TPD52L1: variants seen among roughly 807,000 people sequenced by gnomAD.
TPD52L1 encodes TPD52 like 1, also known as tumor protein D53.
TPD52L1 carries 18 observed loss-of-function variants against 28.7 expected under a neutral mutation model. The ratio of observed to expected loss-of-function variants is 0.63; its 90% CI spans 0.43 to 0.93. TPD52L1 has a LOEUF of 0.93. Ranked by LOEUF, TPD52L1 falls within the 40% of genes least tolerant of loss-of-function variation. The pLI is 0.00. For synonymous variants in TPD52L1, 75 were observed against 88.8 expected, an observed-to-expected ratio of 0.84 and a Z score of 0.88; for missense variants, 203 against 254.8, an observed-to-expected ratio of 0.80 and a Z score of 1.39.
At chr6:125,245,337 C>T (rs9482616) in intron 3 of TPD52L1, among the ~76,000 whole-genome samples, 2,210 of 152,258 alleles carry the variant, frequency 0.015, 47 homozygotes, top group African/African-American at 0.05. Flanking sequence ...CTGAGTTGGT[C>T]TGCCTCCAGC....
At chr6:125,232,924 T>G (rs1193711451) in intron 3 of TPD52L1, among the ~76,000 whole-genome samples, 1 of 152,150 alleles carries the variant, frequency 6.6e-6, no homozygotes, top group Admixed American at 6.5e-5. Flanking sequence ...TTCTGCTGCC[T>G]TTTTATGTTG....
intron 1 of TPD52L1, chr6:125,203,809 T>C (rs533172581): frequency 1.0e-6 from 1 of 985,382 alleles, no homozygotes; most frequent in African/African-American, 1.7e-5. Context: ...ATTTCTGGCT[T>C]TCATTGTAGA....
At chr6:125,168,662 C>T (rs574814859) in intron 1 of TPD52L1, among the ~76,000 whole-genome samples, 2 of 152,050 alleles carry the variant, frequency 1.3e-5, no homozygotes, top group South Asian at 2.1e-4. Context: ...GGACTACAGG[C>T]GCCCGCCACC....
intron 1 of TPD52L1, among the ~76,000 whole-genome samples, chr6:125,192,626 G>C (rs980637136): frequency 2.6e-5 from 4 of 152,080 alleles, no homozygotes; most frequent in African/African-American, 4.8e-5. Flanking sequence ...TCCCTTTGTT[G>C]ACTTTCCAAC....
intron 1 of TPD52L1, among the ~76,000 whole-genome samples, chr6:125,203,314 A>G (rs1026540257): frequency 6.6e-6 from 1 of 151,848 alleles, no homozygotes; most frequent in Non-Finnish European, 1.5e-5. Context: ...TTTTTGCATA[A>G]CTATTTGTTT....
At chr6:125,230,799 G>T (rs1306567859) in intron 3 of TPD52L1, among the ~76,000 whole-genome samples, 1 of 152,184 alleles carries the variant, frequency 6.6e-6, no homozygotes, top group Non-Finnish European at 1.5e-5. Flanking sequence ...CAATCAGATA[G>T]GTTCAGGGCA....
At chr6:125,201,138 C>G (rs892959809) in intron 1 of TPD52L1, among the ~76,000 whole-genome samples, 3 of 152,122 alleles carry the variant, frequency 2.0e-5, no homozygotes, top group African/African-American at 7.2e-5. Context: ...AAGAGGAAGT[C>G]AATCTATAGC....
In TPD52L1 at chr6:125,215,969, G is replaced by C. The variant is rs533554598; in HGVS notation, c.20-4109G>C. 7.9e-5 allele frequency among the ~76,000 whole-genome samples: 12 copies of C among 152,250 alleles called. 1 individual carries two copies. The East Asian group carries it at 2.3e-3, about 29-fold the overall frequency. ...CAGTATCTGTAAGTCCTTGGGCCAG[G>C]CTGAGTGGGGAGAAGTCCACAGTGT... On this transcript the variant is annotated intron_variant, in intron 1 of 6. Coordinates refer to ENST00000534000, the MANE Select transcript of TPD52L1 (RefSeq NM_003287.4).
chr6:125,170,548 A>T (rs774819667), intron 1 of TPD52L1, among the ~76,000 whole-genome samples: 3 of 151,994 alleles, frequency 2.0e-5, no homozygotes, highest in Non-Finnish European at 4.4e-5. Flanking sequence ...AGCCTGCATT[A>T]ACAAGTAATA....
chr6:125,252,028 C>T lies in TPD52L1; in HGVS notation c.387-1689C>T, dbSNP rs1371812088. 3.3e-6 allele frequency: 5 copies of T among 1,536,012 alleles called. No homozygotes were observed. The Admixed American group carries it at 9.8e-5, about 30-fold the overall frequency. On this transcript the variant is annotated intron_variant, in intron 4 of 6. Transcript: ENST00000534000. ...CTGTGCTTCCGGGCTGCAGGTCTCACTCCATCGGGTAAGCGCCACAGGGCT... is the reference window on the plus strand; with the variant it reads ...CTGTGCTTCCGGGCTGCAGGTCTCATTCCATCGGGTAAGCGCCACAGGGCT...
At chr6:125,191,883 A>G (rs1793068346) in intron 1 of TPD52L1, among the ~76,000 whole-genome samples, 1 of 152,234 alleles carries the variant, frequency 6.6e-6, no homozygotes, top group African/African-American at 2.4e-5. Flanking sequence ...GAAATGAAAA[A>G]GAGCCAGTAT....
chr6:125,246,829 AC>A (rs1796950538), intron 3 of TPD52L1, among the ~76,000 whole-genome samples: 1 of 150,896 alleles, frequency 6.6e-6, no homozygotes, highest in Non-Finnish European at 1.5e-5. Flanking sequence ...TTCTTCCTTG[AC>A]CCTTATTCTG....
chr6:125,218,510 G>A lies in TPD52L1; in HGVS notation c.20-1568G>A, dbSNP rs112540716. On this transcript the variant is annotated intron_variant, in intron 1 of 6. Transcript: ENST00000534000. ...TATATATCGGGAACAAATCTTTTTA[G>A]TTATATATGTGAGAGATATCTTCTT... Among the ~76,000 whole-genome samples the A allele has an allele frequency of 1.7e-3, 260 of 152,228 alleles. 1 individual carries two copies. The highest frequency in any genetic ancestry group is 6.1e-3 in the African/African-American group (255 of 41,548).
At chr6:125,248,221 A>C (rs1179874559) in intron 3 of TPD52L1, 61 bp from the exon 4 acceptor site, 1 of 1,323,230 alleles carries the variant, frequency 7.6e-7, no homozygotes. Flanking sequence ...AGTGAGAAGG[A>C]AGATGAATTG....
At chr6:125,172,947 G>A (rs890825661) in intron 1 of TPD52L1, among the ~76,000 whole-genome samples, 11 of 151,966 alleles carry the variant, frequency 7.2e-5, no homozygotes, top group Non-Finnish European at 7.4e-5. Context: ...TAAATGAGAA[G>A]GAAATAATTT....
chr6:125,259,206 C>A (rs946726643), intron 6 of TPD52L1, among the ~76,000 whole-genome samples: 1 of 152,148 alleles, frequency 6.6e-6, no homozygotes, highest in African/African-American at 2.4e-5. Context: ...TGCTGCATTT[C>A]CATTCACATG....
chr6:125,251,846 TA>T (rs1797284861), intron 4 of TPD52L1, among the ~76,000 whole-genome samples: 1 of 152,240 alleles, frequency 6.6e-6, no homozygotes, highest in South Asian at 2.1e-4. Context: ...CTTGAGTTGG[TA>T]AAATGATTTG....
chr6:125,209,652 C>T (rs868027643), intron 1 of TPD52L1, among the ~76,000 whole-genome samples: 3 of 152,168 alleles, frequency 2.0e-5, no homozygotes, highest in Non-Finnish European at 4.4e-5. Flanking sequence ...TTAACAATGC[C>T]GCTGTGTTGA....
At chr6:125,219,681 G>A (rs1391314473) in intron 1 of TPD52L1, among the ~76,000 whole-genome samples, 2 of 152,196 alleles carry the variant, frequency 1.3e-5, no homozygotes, top group Non-Finnish European at 2.9e-5. Flanking sequence ...TCAGGGTGCA[G>A]CCCTTGGGGC....
Sources: allele counts gnomAD v4.1 joint callset (sites outside exome capture counted in the v4.1 genomes callset), GRCh38; gene constraint gnomAD v4.1.1; transcripts MANE v1.5; gene names NCBI Gene and HGNC (gene_info 2026-07-23, HGNC 2026-07-21).